The following NAV3 variants were observed in gnomAD, a reference collection of about 807,000 sequenced individuals.
NAV3 encodes neuron navigator 3.
Under a neutral mutation model 244.7 loss-of-function variants are expected in NAV3, and 87 were observed. That is an observed-to-expected ratio of 0.36 (90% CI 0.30 to 0.42). NAV3 has a LOEUF of 0.42. NAV3 is among the 20% of genes least tolerant of loss of function. The pLI is 1.00. For missense variants in NAV3, 2,663 were observed against 2,893.3 expected (o/e 0.92, Z 1.83); for synonymous variants, 1,126 against 1,042.2 (o/e 1.08, Z -1.55).
chr12:77,880,215 A>G (rs1443718201), intron 1 of NAV3, among the ~76,000 whole-genome samples: 1 of 152,154 alleles, frequency 6.6e-6, no homozygotes, highest in African/African-American at 2.4e-5. Flanking sequence ...GAGTCGCACA[A>G]TTCTGTTTCT....
At chr12:77,628,902 C>CAAAA (rs200250331) in intron 2 of NAV3, among the ~76,000 whole-genome samples, 15 of 86,656 alleles carry the variant, frequency 1.7e-4, no homozygotes, top group African/African-American at 5.5e-4. Context: ...ACCCTGTCTC[C>CAAAA]AAAAAAAAAA....
At position 77,804,924 on chromosome 12, in the gene NAV3, C is replaced by G. The variant is rs114877015; in HGVS notation, c.73-135395C>G. 1.4e-3 allele frequency among the ~76,000 whole-genome samples: 211 copies of G among 152,116 alleles called. 1 individual carries two copies. The highest frequency in any genetic ancestry group is 4.3e-3 in the African/African-American group (177 of 41,528). The stretch of plus-strand genomic sequence containing the variant: ...GTTATATTCCTAGGTATTTTATTCT[C>G]TTTGTGAATTGTGAATAGGATTCAC... On this transcript the variant is annotated intron_variant, in intron 2 of 8. Transcript: ENST00000550042.
chr12:77,894,905 C>T (rs1450615216), intron 1 of NAV3, among the ~76,000 whole-genome samples: 6 of 152,140 alleles, frequency 3.9e-5, no homozygotes, highest in Non-Finnish European at 5.9e-5. Context: ...CTTTTTGAAA[C>T]ACTGTGCTTG....
chr12:77,798,163 A>AAACC, intron 2 of NAV3, among the ~76,000 whole-genome samples: 1 of 149,914 alleles, frequency 6.7e-6, no homozygotes, highest in East Asian at 2.0e-4. Flanking sequence ...CCGTGTCTCA[A>AAACC]AAACAAACAA....
chr12:77,734,622 C>G (rs1364834849), intron 2 of NAV3, among the ~76,000 whole-genome samples: 2 of 152,066 alleles, frequency 1.3e-5, no homozygotes. Context: ...AATCTGCATG[C>G]AATAAATTGC....
chr12:77,794,539 T>A, intron 2 of NAV3, among the ~76,000 whole-genome samples: 1 of 152,310 alleles, frequency 6.6e-6, no homozygotes, highest in Admixed American at 6.5e-5. Context: ...CAAAGCACAA[T>A]GCGGCAGAGC....
intron 12 of NAV3, among the ~76,000 whole-genome samples, chr12:78,095,279 A>T (rs2138103372): frequency 6.6e-6 from 1 of 152,162 alleles, no homozygotes; most frequent in South Asian, 2.1e-4. Flanking sequence ...GAGATAACTA[A>T]TTTCTGAAAT....
intron 2 of NAV3, among the ~76,000 whole-genome samples, chr12:77,816,714 A>G (rs1046978500): frequency 1.3e-5 from 2 of 152,102 alleles, no homozygotes; most frequent in Non-Finnish European, 2.9e-5. Flanking sequence ...CTTTTTTATC[A>G]TCTGTCACTC....
intron 5 of NAV3, among the ~76,000 whole-genome samples, chr12:77,985,178 G>A (rs1355500554): frequency 1.3e-5 from 2 of 152,182 alleles, no homozygotes; most frequent in Non-Finnish European, 2.9e-5. Flanking sequence ...TTCTCCGAAT[G>A]AAACAGTAAC....
chr12:77,839,283 T>C (rs1875202290), intron 1 of NAV3, among the ~76,000 whole-genome samples: 1 of 152,224 alleles, frequency 6.6e-6, no homozygotes, highest in Non-Finnish European at 1.5e-5. Flanking sequence ...CTAACTTAAA[T>C]CATAGTAATA....
intron 12 of NAV3, among the ~76,000 whole-genome samples, chr12:78,114,478 T>C (rs1955267471): frequency 6.6e-6 from 1 of 152,074 alleles, no homozygotes; most frequent in Non-Finnish European, 1.5e-5. Context: ...AGAATCATGG[T>C]GGAAGGGAAG....
At chr12:77,976,402 T>C (rs1868376647) in intron 5 of NAV3, among the ~76,000 whole-genome samples, 2 of 152,022 alleles carry the variant, frequency 1.3e-5, no homozygotes, top group African/African-American at 4.8e-5. Context: ...ATCAGGAGCT[T>C]ACCAATATTT....
intron 12 of NAV3, among the ~76,000 whole-genome samples, chr12:78,080,767 T>C (rs1384864395): frequency 6.6e-6 from 1 of 152,256 alleles, no homozygotes; most frequent in South Asian, 2.1e-4. Context: ...TGCTCTGTTT[T>C]GTGGAATAGA....
intron 1 of NAV3, among the ~76,000 whole-genome samples, chr12:77,870,597 G>T (rs1281508985): frequency 6.6e-6 from 1 of 152,094 alleles, no homozygotes; most frequent in Non-Finnish European, 1.5e-5. Context: ...TATTCTTGCT[G>T]CTTCTGTTAC....
chr12:78,087,433 C>T (rs1033683258), intron 12 of NAV3, among the ~76,000 whole-genome samples: 1 of 151,896 alleles, frequency 6.6e-6, no homozygotes, highest in African/African-American at 2.4e-5. Context: ...TCAGAAGGAA[C>T]CCCAAAGCAT....
chr12:77,675,052 G>T (rs1454985026), intron 2 of NAV3, among the ~76,000 whole-genome samples: 2 of 152,162 alleles, frequency 1.3e-5, no homozygotes, highest in Non-Finnish European at 2.9e-5. Flanking sequence ...TACGGTAAGT[G>T]CATTTCAGGC....
intron 1 of NAV3, among the ~76,000 whole-genome samples, chr12:77,932,510 G>C (rs1366588689): frequency 2.0e-5 from 3 of 152,134 alleles, no homozygotes; most frequent in Non-Finnish European, 4.4e-5. Context: ...TGTGTTCATG[G>C]AAGATAGAAT....
chr12:77,961,236 A>ATAT (rs201539461), intron 3 of NAV3, among the ~76,000 whole-genome samples: 140,874 of 142,800 alleles, frequency 0.99, 69,508 homozygotes, highest in Middle Eastern at 1. Context: ...ATGTAATAAT[A>ATAT]TATTAAAGTA....
At chr12:77,845,140 T>C (rs1428045667) in intron 1 of NAV3, among the ~76,000 whole-genome samples, 2 of 152,200 alleles carry the variant, frequency 1.3e-5, no homozygotes, top group South Asian at 4.1e-4. Flanking sequence ...TGTGTATATA[T>C]ATATATGATA....
Sources: gnomAD v4.1 joint callset for allele counts (sites outside exome capture counted in the v4.1 genomes callset) on GRCh38, gnomAD v4.1.1 for gene constraint, MANE v1.5 for transcripts, NCBI Gene and HGNC (gene_info 2026-07-23, HGNC 2026-07-21) for gene names.